RGS7: variants seen among roughly 807,000 people sequenced by gnomAD.
The protein encoded by RGS7 is regulator of G-protein signaling 7.
In RGS7, 27 loss-of-function variants were observed where a neutral mutation model predicts 81.1. The ratio of observed to expected loss-of-function variants is 0.33; its 90% confidence interval spans 0.25 to 0.46. RGS7 has a LOEUF of 0.46. RGS7 is among the 20% of genes least tolerant of loss of function. RGS7 has a pLI of 1.00. For synonymous variants in RGS7, 208 were observed against 207.7 expected (o/e 1.00, Z -0.01); for missense variants, 396 against 607.4 (o/e 0.65, Z 3.66).
intron 6 of RGS7, among the ~76,000 whole-genome samples, chr1:240,914,570 C>G (rs1672283359): frequency 6.6e-6 from 1 of 152,076 alleles, no homozygotes. Flanking sequence ...TGACTCAGAG[C>G]CTATTCCATG....
intron 3 of RGS7, among the ~76,000 whole-genome samples, chr1:241,007,642 G>C (rs1352256891): frequency 6.6e-6 from 1 of 152,190 alleles, no homozygotes; most frequent in Admixed American, 6.5e-5. Flanking sequence ...AGCGTGGTAT[G>C]AGTATGTGTA....
At chr1:240,850,469 G>A (rs1320937216) in intron 9 of RGS7, among the ~76,000 whole-genome samples, 1 of 152,122 alleles carries the variant, frequency 6.6e-6, no homozygotes, top group African/African-American at 2.4e-5. Context: ...TGTGTGATCT[G>A]ACTGCTGCAT....
At chr1:241,082,892 A>T (rs1178252512) in intron 3 of RGS7, among the ~76,000 whole-genome samples, 1 of 152,194 alleles carries the variant, frequency 6.6e-6, no homozygotes, top group Non-Finnish European at 1.5e-5. Flanking sequence ...ATACAATGAG[A>T]ACTTTGTCAT....
intron 9 of RGS7, among the ~76,000 whole-genome samples, chr1:240,847,786 A>C (rs1477010953): frequency 4.6e-5 from 7 of 152,200 alleles, no homozygotes; most frequent in Non-Finnish European, 1.0e-4. Flanking sequence ...GTACACGCCA[A>C]TTTCACCTTT....
At chr1:240,889,105 C>G (rs1043622513) in intron 6 of RGS7, among the ~76,000 whole-genome samples, 3 of 152,000 alleles carry the variant, frequency 2.0e-5, no homozygotes, top group Admixed American at 2.0e-4. Context: ...TACAGGCGCC[C>G]GCCACCACGC....
At chr1:241,243,956 C>G (rs965226649) in intron 2 of RGS7, among the ~76,000 whole-genome samples, 3 of 151,976 alleles carry the variant, frequency 2.0e-5, no homozygotes, top group African/African-American at 7.3e-5. Flanking sequence ...TCAGGGTACA[C>G]AGGTGTTAGA....
At chr1:241,065,064 G>A (rs1036849808) in intron 3 of RGS7, among the ~76,000 whole-genome samples, 19 of 151,992 alleles carry the variant, frequency 1.3e-4, no homozygotes, top group African/African-American at 3.4e-4. Flanking sequence ...TTTTAGAATC[G>A]GGAAGATACA....
At position 240,826,581 on chromosome 1, in the gene RGS7, C is replaced by T. The variant is rs1033303509; in HGVS notation, c.684+517G>A. ...TGAATAAAAATGCCTTCTAGTTGTA[C>T]GTGTTGCTTTAAAAAATATGTAGAA... On this transcript the variant is annotated intron_variant, in intron 10 of 18. Coordinates refer to ENST00000440928, the MANE Select transcript of RGS7 (RefSeq NM_001364886.1). Among the ~76,000 whole-genome samples, 8 of 152,138 alleles carry T rather than the reference C, an allele frequency of 5.3e-5. No individual in the cohort carries two copies. The East Asian group carries it at 9.6e-4, about 18-fold the overall frequency.
chr1:240,920,369 TG>T, intron 6 of RGS7: 2 of 1,537,396 alleles, frequency 1.3e-6, no homozygotes, highest in Non-Finnish European at 1.8e-6. Context: ...ATGGTGGCAG[TG>T]GGGATGGCTA....
intron 3 of RGS7, among the ~76,000 whole-genome samples, chr1:240,997,612 G>T (rs1005728921): frequency 1.3e-5 from 2 of 152,192 alleles, no homozygotes; most frequent in African/African-American, 2.4e-5. Context: ...ATCATTTGAG[G>T]TCAGGAGTTC....
At chr1:240,777,764 G>A (rs1014284066) in intron 18 of RGS7, among the ~76,000 whole-genome samples, 1 of 152,106 alleles carries the variant, frequency 6.6e-6, no homozygotes, top group African/African-American at 2.4e-5. Flanking sequence ...AAGCTCCCTG[G>A]GACCTATCTG....
intron 6 of RGS7, among the ~76,000 whole-genome samples, chr1:240,890,384 C>T (rs1175969872): frequency 1.3e-5 from 2 of 152,178 alleles, no homozygotes; most frequent in Admixed American, 1.3e-4. Flanking sequence ...ATCTCTTGAC[C>T]TTGTGATCCG....
rs549474612 is a variant in RGS7 at position 241,215,642 on chromosome 1, T to A, written c.79-116880A>T. ...CAGGCAAATAGGACTTCAAAAATTT[T>A]TTTTGGCCTCAGTTCTAGCCACCCA... On this transcript the variant is annotated intron_variant, in intron 2 of 18. Coordinates refer to ENST00000440928, the MANE Select transcript of RGS7 (RefSeq NM_001364886.1). Among the ~76,000 whole-genome samples, 69 of 152,328 alleles carry A rather than the reference T, an allele frequency of 4.5e-4. 1 individual carries two copies. The highest frequency in any genetic ancestry group is 1.4e-3 in the African/African-American group (57 of 41,578).
intron 3 of RGS7, among the ~76,000 whole-genome samples, chr1:241,071,964 T>C (rs1430055709): frequency 1.3e-5 from 2 of 152,000 alleles, no homozygotes; most frequent in Non-Finnish European, 2.9e-5. Context: ...TTTGTCTTAT[T>C]GAAAAATTTC....
intron 4 of RGS7, among the ~76,000 whole-genome samples, chr1:240,971,748 A>G (rs766616466): frequency 5.9e-5 from 9 of 152,204 alleles, no homozygotes; most frequent in Non-Finnish European, 1.2e-4. Context: ...AGTGTTAAAT[A>G]TATCTCAGAA....
chr1:241,055,843 C>T (rs1051050313), intron 3 of RGS7, among the ~76,000 whole-genome samples: 3 of 152,196 alleles, frequency 2.0e-5, no homozygotes, highest in African/African-American at 7.2e-5. Flanking sequence ...CCCCCAGCCA[C>T]CAGTCATTTC....
intron 2 of RGS7, among the ~76,000 whole-genome samples, chr1:241,254,711 T>A (rs1440819893): frequency 6.6e-6 from 1 of 152,226 alleles, no homozygotes; most frequent in Admixed American, 6.5e-5. Context: ...TTCTTATGAA[T>A]AAGTTACAAG....
At chr1:241,115,865 G>C (rs368273623) in intron 2 of RGS7, among the ~76,000 whole-genome samples, 1 of 152,188 alleles carries the variant, frequency 6.6e-6, no homozygotes, top group South Asian at 2.1e-4. Context: ...ATCTCATGTC[G>C]AACTGGAGGA....
At chr1:241,072,999 C>A (rs1393340611) in intron 3 of RGS7, among the ~76,000 whole-genome samples, 2 of 152,142 alleles carry the variant, frequency 1.3e-5, no homozygotes, top group Non-Finnish European at 2.9e-5. Flanking sequence ...TCCATTCTTA[C>A]AATAAATCCA....
Sources: allele counts gnomAD v4.1 joint callset (sites outside exome capture counted in the v4.1 genomes callset), GRCh38; gene constraint gnomAD v4.1.1; transcripts MANE v1.5; gene names NCBI Gene and HGNC (gene_info 2026-07-23, HGNC 2026-07-21).